Variants in MAP3K4 observed in about 807,000 individuals in gnomAD.
MAP3K4 encodes mitogen-activated protein kinase kinase kinase 4.
Under a neutral mutation model 185.6 loss-of-function variants are expected in MAP3K4, and 67 were observed. The observed-to-expected ratio is 0.36, with a 90% CI of 0.30 to 0.44. MAP3K4 has a LOEUF of 0.44. MAP3K4 is among the 20% of genes least tolerant of loss of function. The pLI is 1.00. For synonymous variants in MAP3K4, 702 were observed against 710.4 expected (o/e 0.99, Z 0.19); for missense variants, 1,551 against 1,995.1 (o/e 0.78, Z 4.24).
Position 161,108,476 on chromosome 6 carries a change from G to A in MAP3K4, c.4120-267G>A, listed in dbSNP as rs548891098. Among the ~76,000 whole-genome samples, 12 of 152,206 alleles carry A rather than the reference G, an allele frequency of 7.9e-5. No homozygotes were observed. The East Asian group carries it at 2.1e-3, about 27-fold the overall frequency. On this transcript the variant is annotated intron_variant, in intron 21 of 26. Transcript: ENST00000392142. This position sits in a 1 kb window ranked among gnomAD's most constrained non-coding sequence, Gnocchi z 5.7. ...GAGGCTCCAGCGTCTTGCACTTGCC[G>A]TGGAGCCGCGTCCTCCTCCACATGG... is the stretch of plus-strand genomic sequence containing the variant.
In MAP3K4 at chr6:161,080,622, A is replaced by G. The variant is rs1013002950; in HGVS notation, c.2098-259A>G. Reference sequence around the variant, plus strand: ...TTTTCCCCTTTATTGTAGATTGTGAACATTTTTGTTGTTAGGATTTTGAAG... The same window carrying G: ...TTTTCCCCTTTATTGTAGATTGTGAGCATTTTTGTTGTTAGGATTTTGAAG... On this transcript the variant is annotated intron_variant, in intron 5 of 26. Transcript: ENST00000392142. The surrounding 1 kb of genome is among the most constrained non-coding windows in gnomAD (Gnocchi z 4.8). The G allele has an allele frequency of 9.4e-5, 39 of 414,968 alleles. No individual in the cohort carries two copies. Among genetic ancestry groups the G allele is most frequent in the African/African-American group, 7.4e-4 (36 of 48,666 alleles). The allele number at this position is 414,968 out of a possible 1,614,324, so 25.7% of individuals were successfully genotyped here.
chr6:161,000,026 C>T lies in MAP3K4; in HGVS notation c.152+7943C>T, dbSNP rs187179723. On this transcript the variant is annotated intron_variant, in intron 1 of 26. Coordinates refer to ENST00000392142, the MANE Select transcript of MAP3K4 (RefSeq NM_005922.4). ...GGCGTCGGTCTGTACATCAAGAAGACAGTAAGATTCTAACTTCTGGTCTGT... is the reference window on the plus strand; with the variant it reads ...GGCGTCGGTCTGTACATCAAGAAGATAGTAAGATTCTAACTTCTGGTCTGT... Among the ~76,000 whole-genome samples, 146 of 152,278 alleles carry T rather than the reference C, an allele frequency of 9.6e-4. 1 individual carries two copies. Among genetic ancestry groups the T allele is most frequent in the African/African-American group, 3.3e-3 (139 of 41,568 alleles).
intron 6 of MAP3K4, among the ~76,000 whole-genome samples, chr6:161,083,080 C>G (rs997449912): frequency 6.6e-6 from 1 of 152,196 alleles, no homozygotes; most frequent in Non-Finnish European, 1.5e-5. Context: ...TCGGGCCAGG[C>G]ATGTTCCAGC....
intron 11 of MAP3K4, 82 bp downstream of exon 11, chr6:161,089,553 C>A: frequency 6.8e-7 from 1 of 1,467,640 alleles, no homozygotes; most frequent in Non-Finnish European, 9.2e-7. Context: ...AAGGTAATAT[C>A]ATCCAAGGAA....
At chr6:160,992,250 C>A (rs559290424) in intron 1 of MAP3K4, 167 bp downstream of exon 1, 5 of 944,092 alleles carry the variant, frequency 5.3e-6, no homozygotes, top group South Asian at 2.0e-5. Flanking sequence ...CCCAGGGGAC[C>A]GCGTCTGAGT....
At chr6:160,998,526 A>G (rs1781112245) in intron 1 of MAP3K4, among the ~76,000 whole-genome samples, 1 of 152,200 alleles carries the variant, frequency 6.6e-6, no homozygotes, top group Non-Finnish European at 1.5e-5. Flanking sequence ...ATTGTTGCCA[A>G]ATTTTAAATG....
chr6:161,044,795 G>T (rs1783646479), intron 2 of MAP3K4, among the ~76,000 whole-genome samples: 1 of 152,188 alleles, frequency 6.6e-6, no homozygotes, highest in Admixed American at 6.5e-5. Flanking sequence ...TTTACTCATG[G>T]TGGAAGGTGA....
intron 7 of MAP3K4, among the ~76,000 whole-genome samples, chr6:161,085,172 A>C (rs1048266750): frequency 1.6e-4 from 25 of 151,774 alleles, no homozygotes; most frequent in African/African-American, 5.6e-4. Context: ...AAAGATAAAG[A>C]GATAAAGTTG....
chr6:161,089,210 G>A, intron 10 of MAP3K4, 112 bp from the exon 11 acceptor site: 1 of 1,167,906 alleles, frequency 8.6e-7, no homozygotes, highest in Non-Finnish European at 1.2e-6. Flanking sequence ...TGATTAGATG[G>A]TTGTTGGCCT....
At chr6:160,995,463 G>A (rs779302446) in intron 1 of MAP3K4, among the ~76,000 whole-genome samples, 2 of 152,210 alleles carry the variant, frequency 1.3e-5, no homozygotes, top group East Asian at 1.9e-4. Flanking sequence ...GTGTGCCATC[G>A]TGGCAGGTGC....
chr6:161,081,888 G>A (rs1429279112), intron 6 of MAP3K4, among the ~76,000 whole-genome samples: 1 of 152,140 alleles, frequency 6.6e-6, no homozygotes, highest in Non-Finnish European at 1.5e-5. Flanking sequence ...TCATTCATAA[G>A]AGCATGCCTA....
chr6:161,081,492 A>G lies in MAP3K4; in HGVS notation c.2255+454A>G, dbSNP rs1206769533. Among the ~76,000 whole-genome samples, 4 of 152,224 alleles carry G rather than the reference A, an allele frequency of 2.6e-5. No homozygotes were observed. In the East Asian group the frequency reaches 7.7e-4, roughly 29 times the overall value. Reference sequence around the variant, plus strand: ...TATATCAGTCTTGGTGGGGACATGCAGAACTTAAGAAGTATTTTAAGCATT... The same window carrying G: ...TATATCAGTCTTGGTGGGGACATGCGGAACTTAAGAAGTATTTTAAGCATT... On this transcript the variant is annotated intron_variant, in intron 6 of 26. Coordinates refer to ENST00000392142, the MANE Select transcript of MAP3K4 (RefSeq NM_005922.4).
In MAP3K4 at chr6:161,064,046, T is replaced by C. The variant is rs924812034; in HGVS notation, c.1708-6562T>C. Among the ~76,000 whole-genome samples the C allele has an allele frequency of 6.6e-6, 1 of 152,188 alleles. No individual in the cohort carries two copies. The highest frequency in any genetic ancestry group is 1.5e-5 in the Non-Finnish European group (1 of 68,036). Reference sequence around the variant, plus strand: ...TTTGCTGTCCTCATTGCTCCATTTTTATGAGAGGGCGTTGAAGGGAAATTG... The same window carrying C: ...TTTGCTGTCCTCATTGCTCCATTTTCATGAGAGGGCGTTGAAGGGAAATTG... On this transcript the variant is annotated intron_variant, in intron 3 of 26. Coordinates refer to ENST00000392142, the MANE Select transcript of MAP3K4 (RefSeq NM_005922.4). This position sits in a 1 kb window ranked among gnomAD's most constrained non-coding sequence, Gnocchi z 4.3.
intron 1 of MAP3K4, among the ~76,000 whole-genome samples, chr6:161,005,055 T>A (rs1208827620): frequency 6.6e-6 from 1 of 152,144 alleles, no homozygotes; most frequent in Non-Finnish European, 1.5e-5. Context: ...ACAAATAAAA[T>A]TCCCTTTCCA....
intron 2 of MAP3K4, among the ~76,000 whole-genome samples, chr6:161,045,083 G>C (rs929683182): frequency 6.6e-6 from 1 of 152,188 alleles, no homozygotes; most frequent in Non-Finnish European, 1.5e-5. Context: ...CTGAGGTAGA[G>C]TAATTGGTAT....
Position 161,086,486 on chromosome 6 carries a change from T to C in MAP3K4, c.2472+8T>C, listed in dbSNP as rs113844871. ...GCTAAAATGTTGAGAAAGGTGAGCT[T>C]GCAATCCTGATTAATTAGTACCTTT... On this transcript the variant is annotated splice_region_variant and intron_variant, in intron 8 of 26. Transcript: ENST00000392142. The surrounding 1 kb of genome is among the most constrained non-coding windows in gnomAD (Gnocchi z 4.8). 4 of 1,612,282 alleles carry C rather than the reference T, an allele frequency of 2.5e-6. No homozygotes were observed.
At chr6:160,994,255 T>C (rs1164186774) in intron 1 of MAP3K4, among the ~76,000 whole-genome samples, 2 of 152,184 alleles carry the variant, frequency 1.3e-5, no homozygotes, top group Non-Finnish European at 2.9e-5. Context: ...CCAAGCAATG[T>C]ACACTGTACC....
intron 1 of MAP3K4, among the ~76,000 whole-genome samples, chr6:161,013,119 G>A (rs1024031949): frequency 5.3e-5 from 8 of 152,126 alleles, no homozygotes; most frequent in African/African-American, 1.7e-4. Flanking sequence ...TTGTACAAAT[G>A]TATATAGGTC....
At chr6:161,042,839 C>T (rs1324695912) in intron 2 of MAP3K4, among the ~76,000 whole-genome samples, 2 of 151,882 alleles carry the variant, frequency 1.3e-5, no homozygotes, top group Non-Finnish European at 2.9e-5. Context: ...ACTGCCATAG[C>T]GGGATGGTCA....
Sources: gnomAD v4.1 joint callset for allele counts (sites outside exome capture counted in the v4.1 genomes callset) on GRCh38, gnomAD v4.1.1 for gene constraint, Gnocchi (gnomAD v3.1) non-coding constraint, MANE v1.5 for transcripts, NCBI Gene and HGNC (gene_info 2026-07-23, HGNC 2026-07-21) for gene names.